PBX3: variants seen among roughly 807,000 people sequenced by gnomAD.
PBX3 encodes pre-B-cell leukemia transcription factor 3.
PBX3 carries 14 observed loss-of-function variants against 48.5 expected under a neutral mutation model. That is an observed-to-expected ratio of 0.29 (90% CI 0.19 to 0.45). The LOEUF (loss-of-function observed/expected upper bound fraction) is 0.45, where lower values mean the gene tolerates loss of function less well. Ranked by LOEUF, PBX3 falls within the 20% of genes least tolerant of loss-of-function variation. The pLI, the probability that PBX3 is intolerant of heterozygous loss-of-function variation, is 1.00. For missense variants in PBX3, 386 were observed against 546.7 expected, an observed-to-expected ratio of 0.71 and a Z score of 2.93; for synonymous variants, 210 against 200.3, an observed-to-expected ratio of 1.05 and a Z score of -0.41.
intron 2 of PBX3, among the ~76,000 whole-genome samples, chr9:125,840,541 A>C (rs563228112): frequency 1.3e-5 from 2 of 151,684 alleles, no homozygotes; most frequent in African/African-American, 4.8e-5. Flanking sequence ...TAACCCTCTG[A>C]GTGAATTTTT....
chr9:125,893,773 C>T (rs1423167187), intron 2 of PBX3, among the ~76,000 whole-genome samples: 1 of 152,144 alleles, frequency 6.6e-6, no homozygotes, highest in African/African-American at 2.4e-5. Flanking sequence ...TCTTGATGTG[C>T]AGCACACCTG....
chr9:125,939,281 G>A (rs77303954), intron 5 of PBX3, among the ~76,000 whole-genome samples: 4,272 of 151,960 alleles, frequency 0.028, 235 homozygotes, highest in African/African-American at 0.097. Flanking sequence ...ACAAAGAACC[G>A]ATTTCAAAAA....
chr9:125,834,470 T>C (rs541443326), intron 2 of PBX3, among the ~76,000 whole-genome samples: 1 of 152,034 alleles, frequency 6.6e-6, no homozygotes, highest in East Asian at 2.0e-4. Flanking sequence ...TGATCTCGGC[T>C]CACTGCAACC....
chr9:125,920,467 A>G (rs1407515976), intron 3 of PBX3, among the ~76,000 whole-genome samples: 1 of 152,226 alleles, frequency 6.6e-6, no homozygotes, highest in African/African-American at 2.4e-5. Flanking sequence ...AAATGGACAC[A>G]TTGGCTTTTG....
intron 5 of PBX3, among the ~76,000 whole-genome samples, chr9:125,941,742 T>G (rs1053313738): frequency 3.9e-5 from 6 of 152,234 alleles, no homozygotes; most frequent in Non-Finnish European, 8.8e-5. Flanking sequence ...TCATATGCAT[T>G]GAGAATCATA....
chr9:125,880,649 G>C (rs1391580834), intron 2 of PBX3, among the ~76,000 whole-genome samples: 1 of 152,102 alleles, frequency 6.6e-6, no homozygotes, highest in East Asian at 1.9e-4. Context: ...ATAGGCATCT[G>C]AAATCTAGTA....
chr9:125,901,049 G>T (rs1016383772), intron 2 of PBX3, among the ~76,000 whole-genome samples: 1 of 151,692 alleles, frequency 6.6e-6, no homozygotes, highest in African/African-American at 2.4e-5. Context: ...AGTTTTTAAA[G>T]GTTATTTGAC....
chr9:125,877,310 C>T (rs774127001), intron 2 of PBX3, among the ~76,000 whole-genome samples: 2 of 152,186 alleles, frequency 1.3e-5, no homozygotes, highest in South Asian at 2.1e-4. Flanking sequence ...TAAAATAAGC[C>T]TTCTCCGATT....
At chr9:125,773,639 G>A (rs1836997892) in intron 2 of PBX3, among the ~76,000 whole-genome samples, 1 of 152,186 alleles carries the variant, frequency 6.6e-6, no homozygotes, top group African/African-American at 2.4e-5. Context: ...GAGAAAACAA[G>A]GGCGTCTGTT....
intron 5 of PBX3, among the ~76,000 whole-genome samples, chr9:125,945,585 C>T (rs755644626): frequency 6.6e-6 from 1 of 152,168 alleles, no homozygotes; most frequent in Admixed American, 6.5e-5. Context: ...ATGGTAAACT[C>T]GATTTTGGCC....
At chr9:125,919,428 C>T (rs1268867804) in intron 3 of PBX3, among the ~76,000 whole-genome samples, 2 of 133,328 alleles carry the variant, frequency 1.5e-5, no homozygotes, top group Admixed American at 1.8e-4. Flanking sequence ...CCAGGCTGGT[C>T]TTGAACTCCT....
At chr9:125,842,267 A>T (rs10986973) in intron 2 of PBX3, among the ~76,000 whole-genome samples, 3,033 of 152,238 alleles carry the variant, frequency 0.02, 160 homozygotes, top group East Asian at 0.17. Flanking sequence ...TGACAACTTT[A>T]CTCAATTCTA....
intron 2 of PBX3, among the ~76,000 whole-genome samples, chr9:125,816,079 A>T (rs769026284): frequency 2.3e-4 from 35 of 152,018 alleles, no homozygotes; most frequent in Non-Finnish European, 4.9e-4. Flanking sequence ...ATCATGGCTC[A>T]CTGCAGCCCC....
chr9:125,933,274 T>C (rs895832129), intron 4 of PBX3, among the ~76,000 whole-genome samples: 1 of 152,354 alleles, frequency 6.6e-6, no homozygotes, highest in East Asian at 1.9e-4. Flanking sequence ...TGCTTCATAA[T>C]TGGACAAGAC....
At chr9:125,860,681 A>C (rs1776318037) in intron 2 of PBX3, among the ~76,000 whole-genome samples, 1 of 152,024 alleles carries the variant, frequency 6.6e-6, no homozygotes, top group African/African-American at 2.4e-5. Flanking sequence ...ACCTGAGGTT[A>C]GGAGTTCAAG....
chr9:125,897,162 T>C (rs1432160696), intron 2 of PBX3, among the ~76,000 whole-genome samples: 5 of 148,450 alleles, frequency 3.4e-5, no homozygotes, highest in African/African-American at 4.9e-5. Flanking sequence ...TTTTTTTTTT[T>C]CCTGTGCAAA....
intron 2 of PBX3, among the ~76,000 whole-genome samples, chr9:125,880,389 T>C (rs80311046): frequency 6.6e-6 from 1 of 152,232 alleles, no homozygotes; most frequent in Non-Finnish European, 1.5e-5. Flanking sequence ...GACATAGCAG[T>C]GCAACAGACA....
intron 3 of PBX3, among the ~76,000 whole-genome samples, chr9:125,921,076 C>A (rs1007752464): frequency 1.3e-5 from 2 of 152,184 alleles, no homozygotes; most frequent in Non-Finnish European, 1.5e-5. Context: ...AATGGTTAAG[C>A]AGGACAGACA....
At chr9:125,946,930 G>C (rs964223969) in intron 5 of PBX3, among the ~76,000 whole-genome samples, 1 of 152,174 alleles carries the variant, frequency 6.6e-6, no homozygotes, top group Non-Finnish European at 1.5e-5. Context: ...AACAAAAGCA[G>C]CTAGAGGGAA....
Sources: allele counts gnomAD v4.1 joint callset (sites outside exome capture counted in the v4.1 genomes callset), GRCh38; gene constraint gnomAD v4.1.1; transcripts MANE v1.5; gene names NCBI Gene and HGNC (gene_info 2026-07-23, HGNC 2026-07-21).